The following ARHGEF11 variants were observed in gnomAD, a reference collection of about 807,000 sequenced individuals.
The protein encoded by ARHGEF11 is Rho guanine nucleotide exchange factor 11.
ARHGEF11 carries 55 observed loss-of-function variants against 193.7 expected under a neutral mutation model. That is an observed-to-expected ratio of 0.28 (90% confidence interval 0.23 to 0.36). ARHGEF11 has a LOEUF of 0.36. Ranked by LOEUF, ARHGEF11 falls within the 10% of genes least tolerant of loss-of-function variation. The pLI is 1.00. For synonymous variants in ARHGEF11, 693 were observed against 768.0 expected (o/e 0.90, Z 1.62); for missense variants, 1,723 against 2,005.6 (o/e 0.86, Z 2.69).
chr1:156,960,332 T>C, intron 15 of ARHGEF11, 86 bp downstream of exon 15: 1 of 1,324,786 alleles, frequency 7.5e-7, no homozygotes, highest in South Asian at 1.2e-5. Flanking sequence ...ACAGGGACTA[T>C]GTCCCTTCTG....
In ARHGEF11 at chr1:156,971,686, A is replaced by G; in HGVS notation, c.702+11T>C. On this transcript the variant is annotated intron_variant, in intron 8 of 40. Coordinates refer to ENST00000368194, the MANE Select transcript of ARHGEF11 (RefSeq NM_198236.3). ...ATGTGCCCTTACTAGAGCTGTGCCT[A>G]CATCACTCACCACTGAGCCACCAGT... 6.2e-7 allele frequency: 1 copy of G among 1,613,070 alleles called. No individual in the cohort carries two copies.
At chr1:156,998,796 T>C (rs1294469283) in intron 1 of ARHGEF11, among the ~76,000 whole-genome samples, 1 of 152,208 alleles carries the variant, frequency 6.6e-6, no homozygotes, top group African/African-American at 2.4e-5. Flanking sequence ...GTTTAGCCTA[T>C]ATTTATTTGC....
intron 35 of ARHGEF11, among the ~76,000 whole-genome samples, chr1:156,940,634 T>A (rs1435860555): frequency 1.3e-5 from 2 of 152,204 alleles, no homozygotes; most frequent in Admixed American, 1.3e-4. Flanking sequence ...TGAGCTTACA[T>A]TCTAGGGGAG....
rs1261176175 is a variant in ARHGEF11 at position 156,954,925 on chromosome 1, A to C, written c.1769-4T>G. ...GGGGACAAGGGAATATGAAATGCTAAAAGAAAAACAAACAAAAACAAAAGT... is the reference window on the plus strand; with the variant it reads ...GGGGACAAGGGAATATGAAATGCTACAAGAAAAACAAACAAAAACAAAAGT... On this transcript the variant is annotated splice_region_variant and splice_polypyrimidine_tract_variant and intron_variant, in intron 20 of 40. Coordinates refer to ENST00000368194, the MANE Select transcript of ARHGEF11 (RefSeq NM_198236.3). 6 of 1,605,088 alleles carry C rather than the reference A, an allele frequency of 3.7e-6. No homozygotes were observed. Among genetic ancestry groups the C allele is most frequent in the Middle Eastern group, 1.7e-4 (1 of 6,046 alleles).
intron 4 of ARHGEF11, among the ~76,000 whole-genome samples, chr1:156,979,509 C>T (rs549932379): frequency 1.3e-4 from 19 of 151,996 alleles, no homozygotes; most frequent in African/African-American, 3.4e-4. Context: ...GGACTACAGG[C>T]GCCAGCCACC....
At chr1:157,014,129 G>T (rs940832535) in intron 1 of ARHGEF11, among the ~76,000 whole-genome samples, 1 of 152,018 alleles carries the variant, frequency 6.6e-6, no homozygotes, top group South Asian at 2.1e-4. Context: ...CCACCACAAC[G>T]CTAAAACTTT....
intron 1 of ARHGEF11, among the ~76,000 whole-genome samples, chr1:156,986,991 T>G (rs1557907501): frequency 6.6e-6 from 1 of 152,194 alleles, no homozygotes; most frequent in Admixed American, 6.5e-5. Flanking sequence ...TAGAAACTAC[T>G]AAAGACCCCA....
intron 28 of ARHGEF11, 129 bp from the exon 29 acceptor site, chr1:156,946,291 C>T (rs1658100125): frequency 4.1e-6 from 3 of 728,652 alleles, no homozygotes; most frequent in Admixed American, 2.4e-5. Context: ...TCAGAAATGG[C>T]AGTGGAAGCT....
At position 156,936,497 on chromosome 1, in the gene ARHGEF11, A is replaced by AAAATAT. The variant is rs370282821; in HGVS notation, c.4630+318_4630+319insATATTT. 1.7e-3 allele frequency among the ~76,000 whole-genome samples: 58 copies of AAAATAT among 33,926 alleles called. No homozygotes were observed. The East Asian group carries it at 0.018, about 10-fold the overall frequency. 22.3% of individuals were successfully genotyped at this position (33,926 alleles called of 152,430 possible). ...AATAAATAGAAAAAAAAAAAAAAAA[A>AAAATAT]ATATATATATATATATATATATATA... On this transcript the variant is annotated intron_variant, in intron 40 of 40. Coordinates refer to ENST00000368194, the MANE Select transcript of ARHGEF11 (RefSeq NM_198236.3).
chr1:156,998,293 T>C (rs1666799402), intron 1 of ARHGEF11, among the ~76,000 whole-genome samples: 1 of 152,214 alleles, frequency 6.6e-6, no homozygotes, highest in South Asian at 2.1e-4. Context: ...TTGCAGGCTC[T>C]ATCAGCATAG....
chr1:156,960,568 G>T, intron 14 of ARHGEF11, 108 bp from the exon 15 acceptor site: 1 of 870,384 alleles, frequency 1.1e-6, no homozygotes, highest in Non-Finnish European at 1.8e-6. Context: ...TTGCCTTTTC[G>T]CCTACATCTG....
chr1:156,974,066 TTTTC>T (rs764531623), intron 7 of ARHGEF11, among the ~76,000 whole-genome samples: 4 of 151,982 alleles, frequency 2.6e-5, no homozygotes, highest in Non-Finnish European at 4.4e-5. Context: ...CATTTTTTCT[TTTTC>T]TTTTTCTTTT....
At chr1:157,001,554 A>T (rs1667209308) in intron 1 of ARHGEF11, among the ~76,000 whole-genome samples, 1 of 152,238 alleles carries the variant, frequency 6.6e-6, no homozygotes, top group South Asian at 2.1e-4. Context: ...CTCAACATGT[A>T]GCTGCCTGAT....
rs774880850 is a variant in ARHGEF11, at chr1:156,945,095, C to T, written c.2915G>A (p.Arg972His). ...EAVKQTENRH[R>H]LEGYQKRLDA... ...CAGGCGTTTCTGGTAGCCCTCTAAA[C>T]GGTGGCGGTTCTCTGTTTGTTTTAC... Residue 972 changes from arginine (R) to histidine (H), a missense_variant, in exon 30 of 41, where the codon CGT becomes CAT. Arg to His is a conservative substitution (Grantham distance 29, BLOSUM62 0). Transcript: ENST00000368194. 16 of 1,614,074 alleles carry T rather than the reference C, an allele frequency of 9.9e-6. No individual in the cohort carries two copies. Among genetic ancestry groups the T allele is most frequent in the African/African-American group, 5.3e-5 (4 of 74,928 alleles).
intron 2 of ARHGEF11, among the ~76,000 whole-genome samples, chr1:156,985,535 T>C (rs2102475642): frequency 6.6e-6 from 1 of 152,274 alleles, no homozygotes; most frequent in Non-Finnish European, 1.5e-5. Flanking sequence ...GCAATTCTCC[T>C]GCCTCAGCCT....
intron 1 of ARHGEF11, among the ~76,000 whole-genome samples, chr1:156,999,029 G>A (rs1666892077): frequency 6.6e-6 from 1 of 152,202 alleles, no homozygotes; most frequent in Non-Finnish European, 1.5e-5. Flanking sequence ...AAATCATGGA[G>A]GCTGCCCCAG....
intron 32 of ARHGEF11, among the ~76,000 whole-genome samples, chr1:156,943,473 C>G (rs1657498260): frequency 6.6e-6 from 1 of 152,192 alleles, no homozygotes. Flanking sequence ...GAATTTTGCT[C>G]CAGAGCCCTT....
intron 1 of ARHGEF11, among the ~76,000 whole-genome samples, chr1:156,995,986 T>C (rs1338353769): frequency 6.6e-6 from 1 of 152,176 alleles, no homozygotes; most frequent in Non-Finnish European, 1.5e-5. Context: ...CAGATACAGG[T>C]AACAGATCTT....
At position 156,947,726 on chromosome 1, in the gene ARHGEF11, C is replaced by T. The variant is rs560248656; in HGVS notation, c.2341+43G>A. 18 of 1,602,254 alleles carry T rather than the reference C, an allele frequency of 1.1e-5. No individual in the cohort carries two copies. In the East Asian group the frequency reaches 2.5e-4, roughly 22 times the overall value. ...GTCTTAGGCATTCTGGACCTATTCCCACACGTGTGAGCGGAGCTGGGGGCA... is the reference window on the plus strand; with the variant it reads ...GTCTTAGGCATTCTGGACCTATTCCTACACGTGTGAGCGGAGCTGGGGGCA... On this transcript the variant is annotated intron_variant, in intron 25 of 40. Transcript: ENST00000368194.
Sources: gnomAD v4.1 joint callset for allele counts (sites outside exome capture counted in the v4.1 genomes callset) on GRCh38, gnomAD v4.1.1 for gene constraint, MANE v1.5 for transcripts, NCBI Gene and HGNC (gene_info 2026-07-23, HGNC 2026-07-21) for gene names.